FGD4: variants seen among roughly 807,000 people sequenced by gnomAD.
FGD4 encodes FYVE, RhoGEF and PH domain containing 4.
FGD4 carries 42 observed loss-of-function variants against 102.0 expected under a neutral mutation model. The observed-to-expected ratio is 0.41, with a 90% CI of 0.32 to 0.53. The LOEUF is 0.53. FGD4 is among the 20% of genes least tolerant of loss of function. The probability of loss-of-function intolerance (pLI) is 0.21; values close to 1 mark genes in which losing one functional copy is unlikely to be tolerated. For synonymous variants in FGD4, 380 were observed against 375.7 expected, an observed-to-expected ratio of 1.01 and a Z score of -0.13; for missense variants, 902 against 1,078.2, an observed-to-expected ratio of 0.84 and a Z score of 2.29.
chr12:32,477,936 A>T (rs1943622718), intron 1 of FGD4, among the ~76,000 whole-genome samples: 1 of 152,200 alleles, frequency 6.6e-6, no homozygotes, highest in Admixed American at 6.6e-5. Context: ...CATTCACTCG[A>T]GTCATCTATT....
chr12:32,581,827 C>A, intron 3 of FGD4, 133 bp from the exon 4 acceptor site: 1 of 929,022 alleles, frequency 1.1e-6, no homozygotes. Context: ...ATATTCAAAT[C>A]CATGTTTCTG....
chr12:32,444,731 T>C (rs909953710), intron 1 of FGD4, among the ~76,000 whole-genome samples: 1 of 152,254 alleles, frequency 6.6e-6, no homozygotes, highest in African/African-American at 2.4e-5. Flanking sequence ...ACAAGAATTT[T>C]CTCCTTTCAA....
At chr12:32,625,551 A>C in intron 13 of FGD4, 103 bp from the exon 14 acceptor site, 3 of 1,419,040 alleles carry the variant, frequency 2.1e-6, no homozygotes, top group Non-Finnish European at 2.9e-6. Context: ...ATTATAGTTC[A>C]GAACATGGTT....
At chr12:32,610,867 G>A (rs762112429) in intron 9 of FGD4, 33 bp downstream of exon 9, 26 of 1,600,472 alleles carry the variant, frequency 1.6e-5, no homozygotes, top group Middle Eastern at 1.7e-4. Flanking sequence ...AGGAACCTCT[G>A]ATTAGACAAT....
At chr12:32,616,802 T>C (rs993831306) in intron 10 of FGD4, among the ~76,000 whole-genome samples, 2 of 152,220 alleles carry the variant, frequency 1.3e-5, no homozygotes, top group African/African-American at 4.8e-5. Context: ...TAATGTAGGA[T>C]GCTGTTTAAT....
intron 1 of FGD4, among the ~76,000 whole-genome samples, chr12:32,525,587 T>A (rs1941058806): frequency 6.6e-6 from 1 of 152,216 alleles, no homozygotes; most frequent in African/African-American, 2.4e-5. Context: ...TGAGGATCCC[T>A]TCAGTCCCCC....
chr12:32,462,874 A>G (rs1466636620), intron 1 of FGD4, among the ~76,000 whole-genome samples: 1 of 152,250 alleles, frequency 6.6e-6, no homozygotes, highest in East Asian at 1.9e-4. Context: ...GAGAACAACA[A>G]GAAAATGCAG....
At chr12:32,611,777 G>C (rs1201284171) in intron 10 of FGD4, among the ~76,000 whole-genome samples, 1 of 152,214 alleles carries the variant, frequency 6.6e-6, no homozygotes, top group African/African-American at 2.4e-5. Context: ...TGGTATGGAT[G>C]GCAGGCAGTA....
rs1951107402 is a variant in FGD4, at chr12:32,640,495, G to A, written c.2674G>A (p.Asp892Asn). The change falls in exon 17 of 17, where the codon GAT (aspartate) becomes AAT (asparagine). Residue 892 changes from aspartate (D) to asparagine (N), a missense_variant. Physicochemically the swap from Asp to Asn is conservative, Grantham distance 23. This residue lies in a region of FGD4 where 459 missense variants were observed against 619.0 expected (regional missense o/e 0.74). Coordinates refer to ENST00000534526, the MANE Select transcript of FGD4 (RefSeq NM_001370298.3). The stretch of plus-strand genomic sequence containing the variant: ...TCCAAATGAGCATCCAGCCACCTTG[G>A]ATGATCATCCTGAACCTAAGAAAAA... ...GGPNEHPATL[D>N]DHPEPKKKSE... 6.2e-7 allele frequency: 1 copy of A among 1,613,986 alleles called. No homozygotes were observed. The highest frequency in any genetic ancestry group is 1.7e-5 in the Admixed American group (1 of 59,988).
intron 1 of FGD4, among the ~76,000 whole-genome samples, chr12:32,494,327 G>T (rs563598461): frequency 2.0e-5 from 3 of 152,038 alleles, no homozygotes; most frequent in Non-Finnish European, 1.5e-5. Context: ...CTGGGATTTC[G>T]CAAAGAACTG....
intron 1 of FGD4, among the ~76,000 whole-genome samples, chr12:32,453,743 T>A (rs1242290079): frequency 6.6e-6 from 1 of 152,186 alleles, no homozygotes. Context: ...TTTTAGATTT[T>A]CATTTATCTC....
intron 1 of FGD4, among the ~76,000 whole-genome samples, chr12:32,494,887 G>A (rs1937701058): frequency 6.6e-6 from 1 of 152,142 alleles, no homozygotes; most frequent in South Asian, 2.1e-4. Context: ...GAAGTGACTA[G>A]ACCTCCCACC....
chr12:32,437,057 C>T (rs1419447919), intron 1 of FGD4, among the ~76,000 whole-genome samples: 1 of 149,178 alleles, frequency 6.7e-6, no homozygotes, highest in African/African-American at 2.5e-5. Flanking sequence ...TGCAGTGAGC[C>T]GAGATTGCAC....
rs190591235 is a variant in FGD4 at position 32,523,501 on chromosome 12, G to T, written c.167-40636G>T. Among the ~76,000 whole-genome samples the T allele has an allele frequency of 2.0e-5, 3 of 152,272 alleles. No homozygotes were observed. The East Asian group carries it at 5.8e-4, about 29-fold the overall frequency. ...AACTAGAACTGTATATGGGTGGACCGAGGACTGTCATGGTAGGTATGGATG... is the reference window on the plus strand; with the variant it reads ...AACTAGAACTGTATATGGGTGGACCTAGGACTGTCATGGTAGGTATGGATG... On this transcript the variant is annotated intron_variant, in intron 1 of 16. Transcript: ENST00000534526.
In FGD4 at chr12:32,644,877, G is replaced by A. The variant is rs1178549912; in HGVS notation, c.*4344G>A. On this transcript the variant is annotated 3_prime_UTR_variant, in exon 17 of 17. Coordinates refer to ENST00000534526, the MANE Select transcript of FGD4 (RefSeq NM_001370298.3). ...TCATTCTCAGATCATTTTCTGTACTGTTTACTGAGGCAAAAAAAAAAAAAA... is the reference window on the plus strand; with the variant it reads ...TCATTCTCAGATCATTTTCTGTACTATTTACTGAGGCAAAAAAAAAAAAAA... The A allele has an allele frequency of 7.3e-6, 1 of 137,634 alleles. No individual in the cohort carries two copies. Among genetic ancestry groups the A allele is most frequent in the African/African-American group, 2.9e-5 (1 of 34,300 alleles). The allele number at this position is 137,634 out of a possible 1,614,324, so 8.5% of individuals were successfully genotyped here. A position where few individuals can be genotyped will look rare whatever the true frequency, so the allele number is the denominator to read the frequency against.
intron 1 of FGD4, among the ~76,000 whole-genome samples, chr12:32,401,552 C>T (rs910845512): frequency 6.6e-6 from 1 of 152,070 alleles, no homozygotes; most frequent in Non-Finnish European, 1.5e-5. Context: ...TGAGCCACCA[C>T]ATCCGGCCTC....
intron 1 of FGD4, among the ~76,000 whole-genome samples, chr12:32,494,599 TG>T (rs1937677349): frequency 6.6e-6 from 1 of 152,220 alleles, no homozygotes; most frequent in African/African-American, 2.4e-5. Context: ...GAACATTTAT[TG>T]ATCTTACCTG....
intron 1 of FGD4, among the ~76,000 whole-genome samples, chr12:32,519,593 C>A (rs1230859029): frequency 1.3e-5 from 2 of 151,926 alleles, no homozygotes; most frequent in Non-Finnish European, 2.9e-5. Flanking sequence ...GAGTTTGAGA[C>A]CAGCCTGGGC....
chr12:32,618,600 GGT>G (rs1949592577), intron 10 of FGD4, among the ~76,000 whole-genome samples: 1 of 152,198 alleles, frequency 6.6e-6, no homozygotes, highest in South Asian at 2.1e-4. Context: ...GGGAGGCTGA[GGT>G]GAGAGTATTA....
Sources: allele counts gnomAD v4.1 joint callset (sites outside exome capture counted in the v4.1 genomes callset), GRCh38; gene constraint gnomAD v4.1.1; regional missense constraint gnomAD v4.1.1; transcripts MANE v1.5; gene names NCBI Gene and HGNC (gene_info 2026-07-23, HGNC 2026-07-21).